Variants in RNF19A observed in about 807,000 individuals in gnomAD.
RNF19A encodes the protein ring finger protein 19A, RBR E3 ubiquitin protein ligase, also known as E3 ubiquitin-protein ligase RNF19A.
Under a neutral mutation model 75.7 loss-of-function variants are expected in RNF19A, and 32 were observed. The ratio of observed to expected loss-of-function variants is 0.42; its 90% CI spans 0.32 to 0.57. The LOEUF (loss-of-function observed/expected upper bound fraction) is 0.57. Among genes scored for constraint, RNF19A ranks in the 20% least tolerant of loss-of-function variants. RNF19A has a pLI of 0.10. For synonymous variants in RNF19A, 335 were observed against 345.2 expected (o/e 0.97, Z 0.33); for missense variants, 782 against 1,036.3 (o/e 0.75, Z 3.37).
Position 100,275,442 on chromosome 8 carries a change from A to C in RNF19A, c.675-281T>G, listed in dbSNP as rs901798935. On this transcript the variant is annotated intron_variant, in intron 2 of 9. Coordinates refer to ENST00000341084, the MANE Select transcript of RNF19A (RefSeq NM_183419.4). This position sits in a 1 kb window ranked among gnomAD's most constrained non-coding sequence, Gnocchi z 4.3. ...TTTAGATTCAGGGGGTACATGTGCA[A>C]GTTTGTTACATAGGTCTATTGCATG... is the stretch of plus-strand genomic sequence containing the variant. 1.3e-5 allele frequency among the ~76,000 whole-genome samples: 2 copies of C among 151,504 alleles called. No individual in the cohort carries two copies. Among genetic ancestry groups the C allele is most frequent in the Non-Finnish European group, 2.9e-5 (2 of 67,888 alleles).
At chr8:100,312,752 C>A (rs1822320296), upstream of RNF19A, among the ~76,000 whole-genome samples, 7 of 151,960 alleles carry the variant, frequency 4.6e-5, no homozygotes, top group South Asian at 1.5e-3. Context: ...GATGAAACCT[C>A]ATCTCTATAA....
chr8:100,309,616 G>T, intron 1 of RNF19A: 1 of 946,428 alleles, frequency 1.1e-6, no homozygotes. Flanking sequence ...CCCGCGGCCC[G>T]GGAGACGCCC....
chr8:100,291,069 T>G (rs1196002548), intron 1 of RNF19A, among the ~76,000 whole-genome samples: 1 of 152,098 alleles, frequency 6.6e-6, no homozygotes, highest in Admixed American at 6.5e-5. Context: ...CATCCAGTAT[T>G]GTATGTATAA....
At chr8:100,297,521 T>C (rs1397183491) in intron 1 of RNF19A, among the ~76,000 whole-genome samples, 1 of 152,210 alleles carries the variant, frequency 6.6e-6, no homozygotes, top group Non-Finnish European at 1.5e-5. Context: ...TCCTGGCCAA[T>C]GCAATCTGAC....
rs1229806431 is a variant in RNF19A at position 100,324,493 on chromosome 8, T to C, written c.-242-11121A>G. On this transcript the variant is annotated intron_variant, in intron 1 of 3. Transcript: ENST00000519527. This position sits in a 1 kb window ranked among gnomAD's most constrained non-coding sequence, Gnocchi z 4.2. ...CAATGGATTCCCTTGAAATACTACA[T>C]TTTAAAGGCTAAGGAAATCTGGAGG... is the stretch of plus-strand genomic sequence containing the variant. Among the ~76,000 whole-genome samples, 5 of 152,220 alleles carry C rather than the reference T, an allele frequency of 3.3e-5. No homozygotes were observed. The highest frequency in any genetic ancestry group is 1.5e-5 in the Non-Finnish European group (1 of 68,026).
intron 1 of RNF19A, among the ~76,000 whole-genome samples, chr8:100,321,406 T>C (rs1822464105): frequency 6.6e-6 from 1 of 152,244 alleles, no homozygotes; most frequent in Non-Finnish European, 1.5e-5. Flanking sequence ...GTTCAAGTTT[T>C]ATCATGAGAC....
chr8:100,286,741 A>G (rs1821039051), intron 2 of RNF19A, among the ~76,000 whole-genome samples: 1 of 152,132 alleles, frequency 6.6e-6, no homozygotes, highest in African/African-American at 2.4e-5. Context: ...CTTACTTATA[A>G]TCTCTGGTTT....
Position 100,259,406 on chromosome 8 carries a change from A to G in RNF19A, c.1827-160T>C. On this transcript the variant is annotated intron_variant, in intron 9 of 9. Transcript: ENST00000341084. This position sits in a 1 kb window ranked among gnomAD's most constrained non-coding sequence, Gnocchi z 4.5. ...ACTTAAAAAACATACTTGATATAAC[A>G]GAACTCTTTATAATGCTTCAATGTT... 8.1e-6 allele frequency: 5 copies of G among 616,416 alleles called. No individual in the cohort carries two copies. The highest frequency in any genetic ancestry group is 1.4e-5 in the Non-Finnish European group (5 of 353,898). 38.2% of individuals were successfully genotyped at this position (616,416 alleles called of 1,614,324 possible).
Position 100,322,352 on chromosome 8 carries a change from T to C in RNF19A, c.-242-8980A>G, listed in dbSNP as rs142213702. ...TCATGGCACAAAACAAACTCTTTCC[T>C]TATACCTCATGATCCAACCTCTGCT... On this transcript the variant is annotated intron_variant, in intron 1 of 3. Transcript: ENST00000519527. This position sits in a 1 kb window ranked among gnomAD's most constrained non-coding sequence, Gnocchi z 5.1. Among the ~76,000 whole-genome samples the C allele has an allele frequency of 4.5e-3, 680 of 152,374 alleles. 1 individual carries two copies. The highest frequency in any genetic ancestry group is 7.8e-3 in the Non-Finnish European group (533 of 68,042).
At chr8:100,310,579 C>T (rs1384692660), upstream of RNF19A, among the ~76,000 whole-genome samples, 1 of 152,184 alleles carries the variant, frequency 6.6e-6, no homozygotes, top group Non-Finnish European at 1.5e-5. Context: ...AGAGAAGTGC[C>T]GGGATGTTGC....
chr8:100,298,624 A>C (rs1821681303), intron 1 of RNF19A, among the ~76,000 whole-genome samples: 1 of 152,182 alleles, frequency 6.6e-6, no homozygotes, highest in Non-Finnish European at 1.5e-5. Flanking sequence ...AAAGCCTCCC[A>C]AAAGAGGTAT....
intron 1 of RNF19A, 120 bp from the exon 2 acceptor site, chr8:100,288,387 T>C: frequency 1.9e-6 from 1 of 513,742 alleles, no homozygotes; most frequent in Non-Finnish European, 3.0e-6. Context: ...GTTGTTTTTT[T>C]TAACAAGGCC....
intron 1 of RNF19A, among the ~76,000 whole-genome samples, chr8:100,294,653 G>T (rs1428591941): frequency 6.6e-6 from 1 of 151,996 alleles, no homozygotes; most frequent in Non-Finnish European, 1.5e-5. Context: ...ACACTACATA[G>T]ACTTTTCTTT....
At chr8:100,272,980 C>A (rs1820330960) in intron 3 of RNF19A, among the ~76,000 whole-genome samples, 1 of 152,088 alleles carries the variant, frequency 6.6e-6, no homozygotes, top group African/African-American at 2.4e-5. Context: ...ATCCTCCCAC[C>A]TCAGCCTCCT....
intron 1 of RNF19A, among the ~76,000 whole-genome samples, chr8:100,301,850 CA>C (rs1425456249): frequency 6.6e-6 from 1 of 152,142 alleles, no homozygotes; most frequent in Non-Finnish European, 1.5e-5. Context: ...CTATTTTAAA[CA>C]GGGTGATCAC....
intron 1 of RNF19A, among the ~76,000 whole-genome samples, chr8:100,288,744 T>C (rs1344533842): frequency 6.6e-6 from 1 of 151,924 alleles, no homozygotes; most frequent in Non-Finnish European, 1.5e-5. Context: ...CAAAGACCAG[T>C]GGAACAAAAA....
upstream of RNF19A, chr8:100,310,039 G>T: frequency 4.1e-6 from 4 of 985,468 alleles, no homozygotes; most frequent in Non-Finnish European, 3.6e-6. Flanking sequence ...CCGCTTTCCC[G>T]AACTCCTCCT....
rs1822397901 is a variant in RNF19A at position 100,317,235 on chromosome 8, A to C, written c.-242-3863T>G. Among the ~76,000 whole-genome samples, 1 of 151,580 alleles carries C rather than the reference A, an allele frequency of 6.6e-6. No individual in the cohort carries two copies. Among genetic ancestry groups the C allele is most frequent in the Non-Finnish European group, 1.5e-5 (1 of 67,786 alleles). On this transcript the variant is annotated intron_variant, in intron 1 of 3. Coordinates refer to the RNF19A transcript ENST00000519527. The surrounding 1 kb of genome is among the most constrained non-coding windows in gnomAD (Gnocchi z 4.3). The stretch of plus-strand genomic sequence containing the variant: ...GGCCAGCCCAGAAAGGGGCTCTCAC[A>C]GTGCAGTGGTGGGCTGAAGGGCTCC...
chr8:100,291,046 T>G (rs1454258149), intron 1 of RNF19A, among the ~76,000 whole-genome samples: 1 of 152,026 alleles, frequency 6.6e-6, no homozygotes, highest in Non-Finnish European at 1.5e-5. Flanking sequence ...GATCTGGACA[T>G]GCAAACAAAA....
Sources: gnomAD v4.1 joint callset for allele counts (sites outside exome capture counted in the v4.1 genomes callset) on GRCh38, gnomAD v4.1.1 for gene constraint, Gnocchi (gnomAD v3.1) non-coding constraint, MANE v1.5 for transcripts, NCBI Gene and HGNC (gene_info 2026-07-23, HGNC 2026-07-21) for gene names.